Variants in TOX2 observed in about 807,000 individuals in gnomAD.
The protein encoded by TOX2 is TOX high mobility group box family member 2, also known as granulosa cell HMG box 1.
In TOX2, 15 loss-of-function variants were observed where a neutral mutation model predicts 47.4. The observed-to-expected ratio is 0.32, with a 90% CI of 0.21 to 0.49. TOX2 has a LOEUF of 0.49. Ranked by LOEUF, TOX2 falls within the 20% of genes least tolerant of loss-of-function variation. TOX2 has a pLI of 0.99. For synonymous variants in TOX2, 290 were observed against 296.6 expected (o/e 0.98, Z 0.23); for missense variants, 622 against 673.1 (o/e 0.92, Z 0.84).
intron 2 of TOX2, among the ~76,000 whole-genome samples, chr20:43,976,876 T>C (rs1421413148): frequency 6.6e-6 from 1 of 152,154 alleles, no homozygotes; most frequent in Non-Finnish European, 1.5e-5. Context: ...TTGTCCAAAT[T>C]ACTGGATTAA....
chr20:44,060,298 A>C, intron 5 of TOX2, among the ~76,000 whole-genome samples: 1 of 152,196 alleles, frequency 6.6e-6, no homozygotes, highest in East Asian at 1.9e-4. Context: ...ACAGTAAAAC[A>C]ACAATAGCGG....
At chr20:44,052,811 G>A (rs1405981575) in intron 4 of TOX2, among the ~76,000 whole-genome samples, 1 of 152,146 alleles carries the variant, frequency 6.6e-6, no homozygotes, top group Admixed American at 6.5e-5. Flanking sequence ...GAGGCTGCAG[G>A]TGCAGTCCAG....
chr20:44,004,177 G>A (rs1350953954), intron 2 of TOX2, among the ~76,000 whole-genome samples: 1 of 152,182 alleles, frequency 6.6e-6, no homozygotes, highest in Admixed American at 6.5e-5. Context: ...GAGATGTAGA[G>A]GACACAGGGA....
intron 1 of TOX2, among the ~76,000 whole-genome samples, chr20:43,951,459 C>T (rs1191014757): frequency 2.0e-5 from 3 of 151,940 alleles, no homozygotes; most frequent in Non-Finnish European, 4.4e-5. Context: ...CACCTGTAAT[C>T]CCAGCTACTC....
intron 1 of TOX2, among the ~76,000 whole-genome samples, chr20:43,951,509 G>A (rs981735293): frequency 5.3e-5 from 8 of 151,974 alleles, no homozygotes; most frequent in Middle Eastern, 3.4e-3. Flanking sequence ...CCCAGGAGGC[G>A]GAGGTTGCAG....
At chr20:44,051,175 T>C in intron 3 of TOX2, 131 bp from the exon 4 acceptor site, 1 of 1,336,974 alleles carries the variant, frequency 7.5e-7, no homozygotes, top group Non-Finnish European at 1.0e-6. Context: ...GATTCACCTG[T>C]CAGGGATCGG....
At chr20:43,922,220 C>T (rs924940646) in intron 1 of TOX2, among the ~76,000 whole-genome samples, 1 of 152,126 alleles carries the variant, frequency 6.6e-6, no homozygotes, top group Non-Finnish European at 1.5e-5. Context: ...CCAGCCTCGG[C>T]GCTATTGACA....
chr20:43,965,120 T>C (rs568425217), intron 1 of TOX2, among the ~76,000 whole-genome samples: 2 of 152,084 alleles, frequency 1.3e-5, no homozygotes, highest in Non-Finnish European at 2.9e-5. Flanking sequence ...TTTTCAGGGT[T>C]TGGGGAAGCA....
At chr20:43,924,535 T>G (rs997564296) in intron 1 of TOX2, among the ~76,000 whole-genome samples, 6 of 152,192 alleles carry the variant, frequency 3.9e-5, no homozygotes, top group African/African-American at 1.4e-4. Flanking sequence ...CTCTTTGGGC[T>G]GGAGTCCTGT....
intron 3 of TOX2, 151 bp downstream of exon 3, chr20:44,006,943 C>CA: frequency 1.8e-5 from 21 of 1,148,776 alleles, no homozygotes; most frequent in Non-Finnish European, 2.4e-5. Flanking sequence ...TAATCCCATG[C>CA]TGGGATTACC....
intron 2 of TOX2, among the ~76,000 whole-genome samples, chr20:43,992,888 A>C (rs73282628): frequency 0.19 from 28,870 of 150,756 alleles, 3,300 homozygotes; most frequent in African/African-American, 0.3. Context: ...GGAGGGCCAG[A>C]TTTGGTCCAC....
intron 3 of TOX2, among the ~76,000 whole-genome samples, chr20:44,030,932 G>A (rs765843945): frequency 4.5e-4 from 69 of 152,284 alleles, no homozygotes; most frequent in Middle Eastern, 3.4e-3. Context: ...CAATTAAAAA[G>A]CATTTGTTAA....
chr20:44,009,564 G>T (rs1025460404), intron 3 of TOX2, among the ~76,000 whole-genome samples: 3 of 152,156 alleles, frequency 2.0e-5, no homozygotes, highest in Admixed American at 2.0e-4. Context: ...TATGCCTGAG[G>T]TTGCAATTTT....
chr20:43,993,784 A>T (rs993888910), intron 2 of TOX2, among the ~76,000 whole-genome samples: 1 of 152,218 alleles, frequency 6.6e-6, no homozygotes, highest in Non-Finnish European at 1.5e-5. Context: ...CTGCAGAAAA[A>T]GTTTGCTGGG....
intron 2 of TOX2, among the ~76,000 whole-genome samples, chr20:44,003,605 T>C (rs955422500): frequency 4.2e-4 from 64 of 152,340 alleles, no homozygotes; most frequent in African/African-American, 1.5e-3. Flanking sequence ...TAACTACTTA[T>C]AACGATGAGT....
chr20:43,967,486 G>A (rs566247068), intron 1 of TOX2, among the ~76,000 whole-genome samples: 1 of 152,046 alleles, frequency 6.6e-6, no homozygotes, highest in East Asian at 1.9e-4. Flanking sequence ...GAACCCACAC[G>A]TCCAGGCATC....
chr20:44,034,809 T>C (rs1337171644), intron 3 of TOX2, among the ~76,000 whole-genome samples: 1 of 152,196 alleles, frequency 6.6e-6, no homozygotes, highest in Non-Finnish European at 1.5e-5. Context: ...CCCCAAAAGA[T>C]GTCTACATCC....
chr20:43,954,041 T>G (rs1471751588), intron 1 of TOX2, among the ~76,000 whole-genome samples: 2 of 152,112 alleles, frequency 1.3e-5, no homozygotes, highest in Non-Finnish European at 2.9e-5. Context: ...AACTATAAAT[T>G]AAAGCATGTT....
intron 3 of TOX2, among the ~76,000 whole-genome samples, chr20:44,034,542 G>A (rs1477870973): frequency 6.6e-6 from 1 of 152,216 alleles, no homozygotes; most frequent in Non-Finnish European, 1.5e-5. Context: ...TGTGATGAGG[G>A]CAGCTCAAGA....
Sources: allele counts gnomAD v4.1 joint callset (sites outside exome capture counted in the v4.1 genomes callset), GRCh38; gene constraint gnomAD v4.1.1; transcripts MANE v1.5; gene names NCBI Gene and HGNC (gene_info 2026-07-23, HGNC 2026-07-21).